The following ACTR3C variants were observed in gnomAD, a reference collection of about 807,000 sequenced individuals.
The protein encoded by ACTR3C is actin related protein 3C.
ACTR3C carries 18 observed loss-of-function variants against 26.3 expected under a neutral mutation model. That is an observed-to-expected ratio of 0.68 (90% CI 0.47 to 1.01). The LOEUF (loss-of-function observed/expected upper bound fraction) is 1.01. ACTR3C is among the 50% of genes least tolerant of loss of function. The probability of loss-of-function intolerance (pLI) is 0.00; values close to 1 mark genes in which losing one functional copy is unlikely to be tolerated. For missense variants in ACTR3C, 184 were observed against 250.7 expected (o/e 0.73, Z 1.80); for synonymous variants, 55 against 94.5 (o/e 0.58, Z 2.42).
the ACTR3C span, among the ~76,000 whole-genome samples, chr7:150,157,107 C>T: frequency 7.2e-6 from 1 of 138,858 alleles, no homozygotes. Flanking sequence ...AAGCATGGTA[C>T]TTGTCCAGCT....
chr7:150,041,782 T>C, the ACTR3C span, among the ~76,000 whole-genome samples: 126 of 78,924 alleles, frequency 1.6e-3, 1 homozygote, highest in Middle Eastern at 0.01. Flanking sequence ...TCTCAGTCCC[T>C]GCCTCGCGGG....
chr7:149,985,147 AAG>A, the ACTR3C span, among the ~76,000 whole-genome samples: 2 of 151,002 alleles, frequency 1.3e-5, no homozygotes, highest in Non-Finnish European at 3.0e-5. Flanking sequence ...TCTGAAGACA[AAG>A]AGATTATAGA....
the ACTR3C span, among the ~76,000 whole-genome samples, chr7:150,044,278 A>T: frequency 2.0e-5 from 3 of 152,240 alleles, no homozygotes; most frequent in Non-Finnish European, 4.4e-5. Context: ...AAATTCCACT[A>T]AAAGTCACTT....
chr7:150,135,651 C>T, the ACTR3C span, among the ~76,000 whole-genome samples: 6 of 152,048 alleles, frequency 3.9e-5, no homozygotes, highest in East Asian at 5.8e-4. Context: ...ATAAGAGCCA[C>T]GGTTACACAC....
At chr7:149,987,975 T>A in the ACTR3C span, among the ~76,000 whole-genome samples, 1 of 152,240 alleles carries the variant, frequency 6.6e-6, no homozygotes, top group African/African-American at 2.4e-5. Flanking sequence ...TCTAATCTCA[T>A]GTAATAACTT....
chr7:150,151,661 AT>A, the ACTR3C span, among the ~76,000 whole-genome samples: 1 of 123,814 alleles, frequency 8.1e-6, no homozygotes, highest in Non-Finnish European at 1.7e-5. Flanking sequence ...ATGCTTCAGG[AT>A]TTTCATGTCA....
At chr7:150,290,461 C>A (rs1471782412) in intron 3 of ACTR3C, among the ~76,000 whole-genome samples, 1 of 152,158 alleles carries the variant, frequency 6.6e-6, no homozygotes, top group Non-Finnish European at 1.5e-5. Context: ...TCAGAGTGGA[C>A]AACGCCCACC....
At chr7:150,030,830 T>C in the ACTR3C span, among the ~76,000 whole-genome samples, 58 of 152,148 alleles carry the variant, frequency 3.8e-4, no homozygotes, top group African/African-American at 1.3e-3. Context: ...GGCTGACCGC[T>C]GCATGCCCCT....
chr7:150,086,731 G>A, the ACTR3C span, among the ~76,000 whole-genome samples: 3 of 152,150 alleles, frequency 2.0e-5, no homozygotes, highest in Non-Finnish European at 4.4e-5. Context: ...GGTGGCCCTC[G>A]GTGGCTGGTC....
the ACTR3C span, among the ~76,000 whole-genome samples, chr7:149,907,567 T>C: frequency 6.6e-6 from 1 of 150,814 alleles, no homozygotes; most frequent in African/African-American, 2.4e-5. Flanking sequence ...CTCTTTGACA[T>C]TTGTATTATC....
chr7:150,237,513 T>C, the ACTR3C span, among the ~76,000 whole-genome samples: 1 of 151,988 alleles, frequency 6.6e-6, no homozygotes, highest in Non-Finnish European at 1.5e-5. Context: ...GGGCCCACAC[T>C]GGTCACTTGA....
chr7:150,235,866 C>T, the ACTR3C span, among the ~76,000 whole-genome samples: 12 of 152,060 alleles, frequency 7.9e-5, no homozygotes, highest in African/African-American at 2.4e-4. Flanking sequence ...AATAAAATTT[C>T]GGTGACAATT....
At chr7:150,259,431 T>C (rs1390109863) in intron 6 of ACTR3C, among the ~76,000 whole-genome samples, 1 of 152,250 alleles carries the variant, frequency 6.6e-6, no homozygotes, top group East Asian at 1.9e-4. Context: ...ATGAACTTAA[T>C]TTTTGCCTAT....
the ACTR3C span, among the ~76,000 whole-genome samples, chr7:150,187,079 C>G: frequency 6.6e-6 from 1 of 151,692 alleles, no homozygotes; most frequent in African/African-American, 2.4e-5. Context: ...TCTACAGGAA[C>G]ACAATATGAG....
intron 6 of ACTR3C, among the ~76,000 whole-genome samples, chr7:150,250,255 G>C (rs1245421951): frequency 6.8e-6 from 1 of 146,108 alleles, no homozygotes; most frequent in Admixed American, 6.7e-5. Flanking sequence ...CCAGGCTGGA[G>C]TGCAGTGGCG....
chr7:150,307,881 C>G (rs1478028360), intron 1 of ACTR3C, among the ~76,000 whole-genome samples: 1 of 152,228 alleles, frequency 6.6e-6, no homozygotes, highest in African/African-American at 2.4e-5. Flanking sequence ...TCTCTAACCT[C>G]TGTCGCTATC....
At chr7:150,067,951 G>GTGA in the ACTR3C span, among the ~76,000 whole-genome samples, 1 of 152,042 alleles carries the variant, frequency 6.6e-6, no homozygotes, top group African/African-American at 2.4e-5. Flanking sequence ...GAACAATCTG[G>GTGA]TGATGCCAGC....
chr7:150,188,937 GATTT>G, the ACTR3C span, among the ~76,000 whole-genome samples: 112 of 138,198 alleles, frequency 8.1e-4, 6 homozygotes, highest in African/African-American at 3.0e-3. Context: ...CACAAATTTA[GATTT>G]ATTTTTGTAC....
At chr7:150,092,065 C>T in the ACTR3C span, among the ~76,000 whole-genome samples, 1 of 136,038 alleles carries the variant, frequency 7.4e-6, no homozygotes, top group Non-Finnish European at 1.6e-5. Flanking sequence ...AGCTGCCAAG[C>T]GGGAGAGATG....
Sources: allele counts gnomAD v4.1 joint callset (sites outside exome capture counted in the v4.1 genomes callset), GRCh38; gene constraint gnomAD v4.1.1; transcripts MANE v1.5; gene names NCBI Gene and HGNC (gene_info 2026-07-23, HGNC 2026-07-21).